The following CYP1A2 variants were observed in gnomAD, a reference collection of about 807,000 sequenced individuals.
CYP1A2 encodes the protein cytochrome P450 1A2.
CYP1A2 carries 35 observed loss-of-function variants against 34.7 expected under a neutral mutation model. That is an observed-to-expected ratio of 1.01 (90% CI 0.77 to 1.34). The LOEUF is 1.34. CYP1A2 is among the 40% of genes most tolerant of loss of function. The pLI is 0.00. For missense variants in CYP1A2, 675 were observed against 675.8 expected, an observed-to-expected ratio of 1.00 and a Z score of 0.01; for synonymous variants, 288 against 281.9, an observed-to-expected ratio of 1.02 and a Z score of -0.22.
In CYP1A2 at chr15:74,755,191, G is replaced by A; in HGVS notation, c.*103G>A. On this transcript the variant is annotated 3_prime_UTR_variant, in exon 7 of 7. Transcript: ENST00000343932. ...CTTTTTTTAAAAAATAGCAGCTTTA[G>A]CCAAGTGCAGGGCCTGTAATCCCAG... 1 of 1,310,200 alleles carries A rather than the reference G, an allele frequency of 7.6e-7. No homozygotes were observed. Among genetic ancestry groups the A allele is most frequent in the Non-Finnish European group, 1.0e-6 (1 of 966,404 alleles). The allele number at this position is 1,310,200 out of a possible 1,614,324, so 81.2% of individuals were successfully genotyped here. A position where few individuals can be genotyped will look rare whatever the true frequency, so the allele number is the denominator to read the frequency against.
chr15:74,753,457 G>A (rs1025173068), intron 6 of CYP1A2, among the ~76,000 whole-genome samples, 187 bp downstream of exon 6: 1 of 152,142 alleles, frequency 6.6e-6, no homozygotes, highest in African/African-American at 2.4e-5. Flanking sequence ...ATGGCCAGGC[G>A]CAGTGGCTCA....
intron 6 of CYP1A2, among the ~76,000 whole-genome samples, chr15:74,754,317 G>A (rs1489793469): frequency 6.6e-6 from 1 of 151,076 alleles, no homozygotes; most frequent in African/African-American, 2.4e-5. Flanking sequence ...AAAGAAATAA[G>A]CATCAGGCCA....
chr15:74,749,877 G>A lies in CYP1A2; in HGVS notation c.139G>A (p.Gly47Ser), dbSNP rs939000746. 6.2e-7 allele frequency: 1 copy of A among 1,609,104 alleles called. No homozygotes were observed. The highest frequency in any genetic ancestry group is 8.5e-7 in the Non-Finnish European group (1 of 1,176,158). The change falls in exon 2 of 7, where the codon GGC becomes AGC. Residue 47 changes from glycine to serine, a missense_variant. By Grantham distance (56) the Gly-to-Ser change is moderately conservative. Coordinates refer to ENST00000343932, the MANE Select transcript of CYP1A2 (RefSeq NM_000761.5). ...CCTGAAAAGTCCACCAGAGCCATGG[G>A]GCTGGCCCTTGCTCGGGCATGTGCT... ...KGLKSPPEPW[G>S]WPLLGHVLTL...
intron 5 of CYP1A2, among the ~76,000 whole-genome samples, chr15:74,752,504 C>A (rs188391824): frequency 3.3e-5 from 5 of 152,080 alleles, no homozygotes. Flanking sequence ...CCAGTCAGGT[C>A]GGCCTCACCC....
At chr15:74,752,807 G>C (rs34931285) in intron 5 of CYP1A2, among the ~76,000 whole-genome samples, 42 of 148,432 alleles carry the variant, frequency 2.8e-4, no homozygotes, top group African/African-American at 1.0e-3. Context: ...TATTCCTGCA[G>C]TAAGAGGCCT....
chr15:74,750,217 A>G lies in CYP1A2; in HGVS notation c.479A>G (p.Tyr160Cys). Residue 160 changes from tyrosine (Y) to cysteine (C), a missense_variant, in exon 2 of 7, where the codon TAC (tyrosine) becomes TGC (cysteine). By Grantham distance (194) the Tyr-to-Cys change is radical. Coordinates refer to ENST00000343932, the MANE Select transcript of CYP1A2 (RefSeq NM_000761.5). ...GACCCAGCTTCCTCATCCTCCTGCT[A>G]CCTGGAGGAGCATGTGAGCAAGGAG... ...ASDPASSSSC[Y>C]LEEHVSKEAK... 6.2e-7 allele frequency: 1 copy of G among 1,614,092 alleles called. No individual in the cohort carries two copies. Among genetic ancestry groups the G allele is most frequent in the Non-Finnish European group, 8.5e-7 (1 of 1,179,998 alleles).
intron 4 of CYP1A2, 119 bp downstream of exon 4, chr15:74,751,973 C>T: frequency 6.7e-7 from 1 of 1,496,164 alleles, no homozygotes; most frequent in South Asian, 1.2e-5. Context: ...ACAGTAGTGC[C>T]TGCCCTTGCC....
In CYP1A2 at chr15:74,751,238, G is replaced by T. The variant is rs767051591; in HGVS notation, c.881G>T (p.Gly294Val). The T allele has an allele frequency of 3.7e-6, 6 of 1,614,068 alleles. No individual in the cohort carries two copies. Among genetic ancestry groups the T allele is most frequent in the Non-Finnish European group, 5.1e-6 (6 of 1,179,996 alleles). Residue 294 changes from glycine (G) to valine (V), a missense_variant, in exon 3 of 7, where the codon GGG becomes GTG. Transcript: ENST00000343932. Reference protein sequence around the residue: ...TGALFKHSKKGPRASGNLIPQ... With the variant: ...TGALFKHSKKVPRASGNLIPQ... ...GCCCTGTTCAAGCACAGCAAGAAGG[G>T]GCCTAGAGCCAGCGGCAACCTCATC...
rs1480997223 is a variant in CYP1A2 at position 74,755,024 on chromosome 15, G to GAA, written c.1487_1488insAA (p.Leu497SerfsTer2). On this transcript the variant is annotated frameshift_variant, in exon 7 of 7. Transcript: ENST00000343932. LOFTEE classifies it low-confidence loss of function (END_TRUNC). ...AAAGTCGACCTGACCCCCATCTACGGGCTGACCATGAAGCACGCCCGCTGT... is the reference window on the plus strand; with the variant it reads ...AAAGTCGACCTGACCCCCATCTACGGAAGCTGACCATGAAGCACGCCCGCTGT... 6.2e-7 allele frequency: 1 copy of GAA among 1,614,112 alleles called. No individual in the cohort carries two copies. Among genetic ancestry groups the GAA allele is most frequent in the Non-Finnish European group, 8.5e-7 (1 of 1,180,028 alleles).
At position 74,750,479 on chromosome 15, in the gene CYP1A2, C is replaced by A. The variant is rs542879792; in HGVS notation, c.741C>A (p.Asn247Lys). Reference sequence around the variant, plus strand: ...TCCCCATCCTTCGCTACCTGCCTAACCCTGCCCTGCAGAGGTTCAAGGCCT... The same window carrying A: ...TCCCCATCCTTCGCTACCTGCCTAAACCTGCCCTGCAGAGGTTCAAGGCCT... ...DFFPILRYLP[N>K]PALQRFKAFN... The change falls in exon 2 of 7, where the codon AAC becomes AAA. Residue 247 changes from asparagine (N) to lysine (K), a missense_variant. By Grantham distance (94) the Asn-to-Lys change is moderately conservative (BLOSUM62 0). Coordinates refer to ENST00000343932, the MANE Select transcript of CYP1A2 (RefSeq NM_000761.5). 2 of 1,614,232 alleles carry A rather than the reference C, an allele frequency of 1.2e-6. No individual in the cohort carries two copies. Among genetic ancestry groups the A allele is most frequent in the South Asian group, 1.1e-5 (1 of 91,084 alleles).
chr15:74,751,757 C>T lies in CYP1A2; in HGVS notation c.953-8C>T, dbSNP rs374943371. ...CCTTCTTTCCTCACCTTACACTACA[C>T]GGTTCAGGATTTGACACAGTCACCA... On this transcript the variant is annotated splice_region_variant and splice_polypyrimidine_tract_variant and intron_variant, in intron 3 of 6. Coordinates refer to ENST00000343932, the MANE Select transcript of CYP1A2 (RefSeq NM_000761.5). 3.3e-5 allele frequency: 53 copies of T among 1,612,628 alleles called. No homozygotes were observed. The highest frequency in any genetic ancestry group is 2.4e-4 in the African/African-American group (18 of 74,830).
Position 74,749,986 on chromosome 15 carries a change from C to T in CYP1A2, c.248C>T (p.Thr83Met), listed in dbSNP as rs138652540. ...GTCCTGCAGATCCGCATTGGCTCCA[C>T]GCCCGTGCTGGTGCTGAGCCGCCTG... is the stretch of plus-strand genomic sequence containing the variant. The part of the protein sequence containing the change: ...GDVLQIRIGS[T>M]PVLVLSRLDT... The change falls in exon 2 of 7, where the codon ACG becomes ATG. Residue 83 changes from threonine to methionine, a missense_variant. Thr to Met is a moderately conservative substitution (Grantham distance 81). Transcript: ENST00000343932. 163 of 1,614,118 alleles carry T rather than the reference C, an allele frequency of 1.0e-4. No homozygotes were observed. The East Asian group carries it at 1.4e-3, about 13-fold the overall frequency.
Position 74,755,837 on chromosome 15 carries a change from A to C in CYP1A2, c.*749A>C, listed in dbSNP as rs1285082205. On this transcript the variant is annotated 3_prime_UTR_variant, in exon 7 of 7. Coordinates refer to ENST00000343932, the MANE Select transcript of CYP1A2 (RefSeq NM_000761.5). ...AATTTTATTATTCTTATTATTTTTG[A>C]GACAGAGTCTTACTCTGTTGCCAGG... 1 of 149,910 alleles carries C rather than the reference A, an allele frequency of 6.7e-6. No homozygotes were observed. The highest frequency in any genetic ancestry group is 1.5e-5 in the Non-Finnish European group (1 of 67,504). The allele number at this position is 149,910 out of a possible 1,614,324, so 9.3% of individuals were successfully genotyped here. A position where few individuals can be genotyped will look rare whatever the true frequency, so the allele number is the denominator to read the frequency against.
At chr15:74,749,292 T>G (rs2063302819) in intron 1 of CYP1A2, among the ~76,000 whole-genome samples, 1 of 152,110 alleles carries the variant, frequency 6.6e-6, no homozygotes, top group African/African-American at 2.4e-5. Flanking sequence ...TGTCACTGGG[T>G]AGGGGGAACT....
At chr15:74,750,915 C>T (rs1419187806) in intron 2 of CYP1A2, among the ~76,000 whole-genome samples, 5 of 152,190 alleles carry the variant, frequency 3.3e-5, no homozygotes, top group Admixed American at 2.0e-4. Context: ...TCTGGTGTCA[C>T]GTTGCTTCCC....
chr15:74,751,829 A>T lies in CYP1A2; in HGVS notation c.1017A>T (p.Ile339=). ...TGTACCTTGTGACCAAGCCTGAGAT[A>T]CAGAGGAAGATCCAGAAGGAGCTGG... The part of the protein sequence containing the change: ...SLMYLVTKPE[I]QRKIQKELDT... The change falls in exon 4 of 7, where the codon ATA becomes ATT. Residue 339 remains isoleucine, a synonymous_variant. Coordinates refer to ENST00000343932, the MANE Select transcript of CYP1A2 (RefSeq NM_000761.5). The T allele has an allele frequency of 6.2e-7, 1 of 1,614,130 alleles. No homozygotes were observed. The highest frequency in any genetic ancestry group is 8.5e-7 in the Non-Finnish European group (1 of 1,180,002).
At chr15:74,754,506 G>A (rs1405472735) in intron 6 of CYP1A2, among the ~76,000 whole-genome samples, 1 of 151,594 alleles carries the variant, frequency 6.6e-6, no homozygotes, top group Non-Finnish European at 1.5e-5. Flanking sequence ...GGCTCAGGTG[G>A]GTGGTTGGCT....
chr15:74,749,691 TC>T, intron 1 of CYP1A2, 38 bp from the exon 2 acceptor site: 15 of 1,448,122 alleles, frequency 1.0e-5, no homozygotes, highest in Non-Finnish European at 1.4e-5. Context: ...AATGTCTCCA[TC>T]TCAACCCTCA....
rs1269939593 is a variant in CYP1A2, at chr15:74,755,129, CCAGCCACGGGGACT to C, written c.*47_*60del. 6.3e-7 allele frequency: 1 copy of C among 1,577,798 alleles called. No individual in the cohort carries two copies. Among genetic ancestry groups the C allele is most frequent in the African/African-American group, 1.3e-5 (1 of 74,334 alleles). On this transcript the variant is annotated 3_prime_UTR_variant, in exon 7 of 7. Coordinates refer to ENST00000343932, the MANE Select transcript of CYP1A2 (RefSeq NM_000761.5). ...TCTGAGGCCAGGGAGCGAGTGGGGG[CCAGCCACGGGGACT>C]CAGCCCTTGTTTCTCTTCCTTTCTT...
Sources: gnomAD v4.1 joint callset for allele counts (sites outside exome capture counted in the v4.1 genomes callset) on GRCh38, gnomAD v4.1.1 for gene constraint, MANE v1.5 for transcripts, NCBI Gene and HGNC (gene_info 2026-07-23, HGNC 2026-07-21) for gene names.